COL26A1: variants seen among roughly 807,000 people sequenced by gnomAD.
The protein encoded by COL26A1 is collagen type XXVI alpha 1 chain, also known as collagen alpha-1(XXVI) chain.
Under a neutral mutation model 59.3 loss-of-function variants are expected in COL26A1, and 41 were observed. The ratio of observed to expected loss-of-function variants is 0.69; its 90% CI spans 0.54 to 0.90. COL26A1 has a LOEUF of 0.90. Ranked by LOEUF, COL26A1 falls within the 40% of genes least tolerant of loss-of-function variation. COL26A1 has a pLI of 0.00. For missense variants in COL26A1, 612 were observed against 602.3 expected (o/e 1.02, Z -0.17); for synonymous variants, 266 against 256.0 (o/e 1.04, Z -0.37).
chr7:101,364,607 C>T (rs4729694), intron 1 of COL26A1, among the ~76,000 whole-genome samples: 87,640 of 150,648 alleles, frequency 0.58, 27,029 homozygotes, highest in African/African-American at 0.8. Flanking sequence ...GTCTTGCTTG[C>T]TCCCCAGGCT....
intron 3 of COL26A1, among the ~76,000 whole-genome samples, chr7:101,483,007 T>A (rs1354557699): frequency 6.6e-6 from 1 of 152,160 alleles, no homozygotes; most frequent in East Asian, 1.9e-4. Context: ...TTTTACCATC[T>A]GGCAGCTGTG....
intron 12 of COL26A1, 74 bp from the exon 13 acceptor site, chr7:101,557,296 C>A (rs1796001205): frequency 6.8e-7 from 1 of 1,476,618 alleles, no homozygotes; most frequent in South Asian, 1.3e-5. Flanking sequence ...TCCGTGGCCA[C>A]ATATCATGAT....
chr7:101,539,253 T>C (rs1264688793), intron 4 of COL26A1, among the ~76,000 whole-genome samples: 1 of 151,818 alleles, frequency 6.6e-6, no homozygotes, highest in Non-Finnish European at 1.5e-5. Flanking sequence ...CTCTCCTCCC[T>C]CCCTTTCTTC....
rs78409326 is a variant in COL26A1, at chr7:101,525,741, C to T, written c.386-7341C>T. 2.0e-3 allele frequency among the ~76,000 whole-genome samples: 309 copies of T among 152,242 alleles called. 3 individuals are homozygous for T. The East Asian group carries it at 0.031, about 15-fold the overall frequency. ...TCGATCTCCTGACCTCGTGATCCGC[C>T]CACCTTGGCCTCCCAAAGTGCTGGG... On this transcript the variant is annotated intron_variant, in intron 3 of 12. Transcript: ENST00000313669.
At chr7:101,553,658 G>A (rs553353734) in intron 11 of COL26A1, among the ~76,000 whole-genome samples, 5 of 152,260 alleles carry the variant, frequency 3.3e-5, no homozygotes, top group South Asian at 2.1e-4. Context: ...GAGAGGAGTC[G>A]CAAACTTGTA....
chr7:101,404,083 T>C (rs1011013950), intron 1 of COL26A1, among the ~76,000 whole-genome samples: 5 of 152,066 alleles, frequency 3.3e-5, no homozygotes, highest in African/African-American at 1.2e-4. Context: ...AACAGAGCTA[T>C]GCAAGAAGAG....
intron 3 of COL26A1, among the ~76,000 whole-genome samples, chr7:101,473,530 T>A (rs910383705): frequency 6.6e-6 from 1 of 151,366 alleles, no homozygotes; most frequent in African/African-American, 2.4e-5. Flanking sequence ...ACCTCAGCAC[T>A]TTGGGAGGCT....
chr7:101,375,608 G>A (rs555095039), intron 1 of COL26A1, among the ~76,000 whole-genome samples: 4 of 152,230 alleles, frequency 2.6e-5, no homozygotes, highest in Admixed American at 2.6e-4. Flanking sequence ...GGGAGGCTGA[G>A]GCAGGAGGAT....
intron 3 of COL26A1, among the ~76,000 whole-genome samples, chr7:101,472,389 T>G (rs1238121750): frequency 6.6e-6 from 1 of 152,164 alleles, no homozygotes; most frequent in African/African-American, 2.4e-5. Context: ...CGAGGTCTTA[T>G]TTAGTTAGTT....
chr7:101,550,831 G>GC (rs1795844520), intron 9 of COL26A1, among the ~76,000 whole-genome samples: 1 of 129,758 alleles, frequency 7.7e-6, no homozygotes, highest in Non-Finnish European at 1.7e-5. Context: ...CGGACCACCT[G>GC]CTCCCCTTCT....
chr7:101,388,421 C>T (rs1326517993), intron 1 of COL26A1, among the ~76,000 whole-genome samples: 2 of 151,706 alleles, frequency 1.3e-5, no homozygotes, highest in African/African-American at 2.4e-5. Flanking sequence ...TGCAGTCAGC[C>T]GAGATCGCGC....
In COL26A1 at chr7:101,422,992, C is replaced by T. The variant is rs574435604; in HGVS notation, c.281+2893C>T. 2.2e-4 allele frequency among the ~76,000 whole-genome samples: 33 copies of T among 152,222 alleles called. No individual in the cohort carries two copies. In the East Asian group the frequency reaches 2.5e-3, roughly 12 times the overall value. On this transcript the variant is annotated intron_variant, in intron 2 of 12. Coordinates refer to ENST00000313669, the MANE Select transcript of COL26A1 (RefSeq NM_001278563.3). ...CAAAACACAATAACGCAGCCGGGCACGGTGGCTCACGCCTGCAATTGCAGC... is the reference window on the plus strand; with the variant it reads ...CAAAACACAATAACGCAGCCGGGCATGGTGGCTCACGCCTGCAATTGCAGC...
chr7:101,542,691 G>C (rs990193364), intron 5 of COL26A1, among the ~76,000 whole-genome samples: 2 of 152,216 alleles, frequency 1.3e-5, no homozygotes, highest in African/African-American at 4.8e-5. Flanking sequence ...CCAGGGCCGG[G>C]GAAGGAGAGT....
In COL26A1 at chr7:101,482,317, T is replaced by A. The variant is rs145522043; in HGVS notation, c.385+34530T>A. Among the ~76,000 whole-genome samples, 382 of 152,340 alleles carry A rather than the reference T, an allele frequency of 2.5e-3. 1 individual carries two copies. Among genetic ancestry groups the A allele is most frequent in the African/African-American group, 8.8e-3 (366 of 41,572 alleles). ...GCCACCACCGCGCCTGGCCTTCTTT[T>A]TCCTTTTTATTGATGTTTTTATGTA... On this transcript the variant is annotated intron_variant, in intron 3 of 12. Transcript: ENST00000313669.
chr7:101,520,823 G>A (rs1016320563), intron 3 of COL26A1, among the ~76,000 whole-genome samples: 2 of 152,118 alleles, frequency 1.3e-5, no homozygotes, highest in Non-Finnish European at 2.9e-5. Context: ...AACAGCTGCT[G>A]GGGGCTGCAG....
intron 2 of COL26A1, among the ~76,000 whole-genome samples, chr7:101,440,531 C>T (rs138501097): frequency 2.9e-4 from 44 of 152,212 alleles, no homozygotes; most frequent in Non-Finnish European, 6.0e-4. Flanking sequence ...AGGTGAGACT[C>T]AGGGGGGCTA....
intron 1 of COL26A1, among the ~76,000 whole-genome samples, chr7:101,383,916 C>G (rs1406863399): frequency 6.6e-6 from 1 of 151,746 alleles, no homozygotes; most frequent in Admixed American, 6.6e-5. Flanking sequence ...CTGATCTGCC[C>G]ACCTCGGCCT....
At chr7:101,475,876 CTCTT>C (rs1331004527) in intron 3 of COL26A1, among the ~76,000 whole-genome samples, 7 of 132,630 alleles carry the variant, frequency 5.3e-5, no homozygotes, top group Non-Finnish European at 1.0e-4. Flanking sequence ...CTCTTTCTTT[CTCTT>C]TCTCTCTCTT....
rs144872649 is a variant in COL26A1, at chr7:101,423,730, G to A, written c.281+3631G>A. On this transcript the variant is annotated intron_variant, in intron 2 of 12. Transcript: ENST00000313669. The stretch of plus-strand genomic sequence containing the variant: ...AGCCTGGGCGACAGAGTGAGACTCC[G>A]TCGCAAAAAAAAAGAAGGACCGGGG... Among the ~76,000 whole-genome samples the A allele has an allele frequency of 6.9e-3, 1,053 of 151,610 alleles. 12 individuals are homozygous for A. The highest frequency in any genetic ancestry group is 0.024 in the African/African-American group (972 of 41,334).
Sources: allele counts gnomAD v4.1 joint callset (sites outside exome capture counted in the v4.1 genomes callset), GRCh38; gene constraint gnomAD v4.1.1; transcripts MANE v1.5; gene names NCBI Gene and HGNC (gene_info 2026-07-23, HGNC 2026-07-21).